The following ZNF516 variants were observed in gnomAD, a reference collection of about 807,000 sequenced individuals.
The protein encoded by ZNF516 is zinc finger protein 516.
A neutral mutation model predicts 79.7 loss-of-function variants in ZNF516; 19 were observed. That is an observed-to-expected ratio of 0.24 (90% confidence interval 0.17 to 0.35). The LOEUF (loss-of-function observed/expected upper bound fraction) is 0.35. Among genes scored for constraint, ZNF516 ranks in the 10% least tolerant of loss-of-function variants. The probability of loss-of-function intolerance (pLI) is 1.00; values close to 1 mark genes in which losing one functional copy is unlikely to be tolerated. For synonymous variants in ZNF516, 877 were observed against 739.5 expected, an observed-to-expected ratio of 1.19 and a Z score of -3.02; for missense variants, 1,678 against 1,679.5, an observed-to-expected ratio of 1.00 and a Z score of 0.02.
In ZNF516 at chr18:76,379,042, C is replaced by T. The variant is rs368143532; in HGVS notation, c.3072G>A (p.Ala1024=). The change falls in exon 4 of 7, where the codon GCG becomes GCA. Residue 1024 remains alanine (A), a synonymous_variant. Transcript: ENST00000443185. Reference sequence around the variant, plus strand: ...CCACGCCGGGCTGGGCCTGCAAGGCCGCGTCGCCCCTGGACCCCGCAGCAC... The same window carrying T: ...CCACGCCGGGCTGGGCCTGCAAGGCTGCGTCGCCCCTGGACCCCGCAGCAC... ...ATCAAGSRGD[A]ALQAQPGVAG... is the part of the protein sequence containing the mutation. 48 of 1,610,594 alleles carry T rather than the reference C, an allele frequency of 3.0e-5. No homozygotes were observed. Among genetic ancestry groups the T allele is most frequent in the African/African-American group, 2.8e-4 (21 of 74,876 alleles).
chr18:76,384,697 C>G (rs2074956026), intron 3 of ZNF516, among the ~76,000 whole-genome samples: 1 of 151,320 alleles, frequency 6.6e-6, no homozygotes, highest in Non-Finnish European at 1.5e-5. Flanking sequence ...AGAGAAGTGT[C>G]CGGGGAGGGG....
rs375472546 is a variant in ZNF516, at chr18:76,379,424, T to C, written c.2690A>G (p.His897Arg). Residue 897 changes from histidine (H) to arginine (R), a missense_variant, in exon 4 of 7, where the codon CAT becomes CGT. This residue lies in a region of ZNF516 where 1,294 missense variants were observed against 1,248.3 expected (regional missense o/e 1.04). Transcript: ENST00000443185. ...QTKPCHGQEP[H>R]GAATQGPLAK... ...CAGGGGCCCCTGTGTGGCCGCGCCA[T>C]GTGGCTCCTGGCCGTGACAAGGTTT... 8 of 1,611,276 alleles carry C rather than the reference T, an allele frequency of 5.0e-6. No homozygotes were observed. Among genetic ancestry groups the C allele is most frequent in the South Asian group, 2.2e-5 (2 of 91,010 alleles).
At chr18:76,376,252 T>A (rs958508606) in intron 4 of ZNF516, among the ~76,000 whole-genome samples, 1 of 152,134 alleles carries the variant, frequency 6.6e-6, no homozygotes, top group Non-Finnish European at 1.5e-5. Flanking sequence ...ACTTCTCAGG[T>A]GCACTGACCA....
At position 76,442,449 on chromosome 18, in the gene ZNF516, G is replaced by A. The variant is rs376779589; in HGVS notation, c.606C>T (p.Cys202=). ...GCAGCGTCGCGTAGCTGCACAGCCT[G>A]CACTTGAACGGCTTGTGCGCCTGGT... is the stretch of plus-strand genomic sequence containing the variant. The part of the protein sequence containing the change: ...HVHQAHKPFK[C]RLCSYATLRE... Residue 202 remains cysteine (C), a synonymous_variant, in exon 3 of 7, where the codon TGC becomes TGT. Coordinates refer to ENST00000443185, the MANE Select transcript of ZNF516 (RefSeq NM_014643.4). 17 of 1,606,346 alleles carry A rather than the reference G, an allele frequency of 1.1e-5. No individual in the cohort carries two copies. In the African/African-American group the frequency reaches 1.2e-4, roughly 11 times the overall value.
intron 3 of ZNF516, 106 bp downstream of exon 3, chr18:76,441,139 G>A (rs548987262): frequency 7.0e-7 from 1 of 1,430,812 alleles, no homozygotes; most frequent in Non-Finnish European, 9.3e-7. Context: ...GGGCCACCGG[G>A]TAAGGGGCTA....
At chr18:76,453,210 C>T (rs115619636) in intron 2 of ZNF516, among the ~76,000 whole-genome samples, 1,661 of 152,314 alleles carry the variant, frequency 0.011, 38 homozygotes, top group African/African-American at 0.038. Context: ...CCACAAAGAG[C>T]TGGCGTTAGG....
At chr18:76,461,537 G>A (rs1913109922) in intron 2 of ZNF516, among the ~76,000 whole-genome samples, 1 of 152,246 alleles carries the variant, frequency 6.6e-6, no homozygotes, top group Admixed American at 6.5e-5. Flanking sequence ...AAATTTGGGG[G>A]TGGAAGGAGT....
intron 3 of ZNF516, among the ~76,000 whole-genome samples, chr18:76,435,499 C>A (rs1249147786): frequency 6.6e-6 from 1 of 152,206 alleles, no homozygotes; most frequent in African/African-American, 2.4e-5. Flanking sequence ...TGAACAATCA[C>A]CGTCGTGTTC....
chr18:76,441,585 G>A lies in ZNF516; in HGVS notation c.1470C>T (p.Ala490=), dbSNP rs532031030. The change falls in exon 3 of 7, where the codon GCC becomes GCT. Residue 490 remains alanine (A), a synonymous_variant. Transcript: ENST00000443185. ...RASGPGDPAP[A]GHLDPRSAAR... ...CGGCCGAGCGGGGATCGAGGTGGCCGGCGGGCGCGGGGTCCCCAGGCCCGC... is the reference window on the plus strand; with the variant it reads ...CGGCCGAGCGGGGATCGAGGTGGCCAGCGGGCGCGGGGTCCCCAGGCCCGC... 3.6e-5 allele frequency: 51 copies of A among 1,435,584 alleles called. No homozygotes were observed. The highest frequency in any genetic ancestry group is 6.1e-5 in the Admixed American group (2 of 32,846). 88.9% of individuals were successfully genotyped at this position (1,435,584 alleles called of 1,614,324 possible).
At position 76,441,526 on chromosome 18, in the gene ZNF516, C is replaced by A; in HGVS notation, c.1529G>T (p.Gly510Val). 6.3e-7 allele frequency: 1 copy of A among 1,578,240 alleles called. No individual in the cohort carries two copies. Among genetic ancestry groups the A allele is most frequent in the South Asian group, 1.2e-5 (1 of 86,894 alleles). ...GAAGCACTCGGAGGACTTGCCCTGG[C>A]CGGTGGTGGCTGCGGCCCTGCGGTT... ...RPNRRAAATT[G>V]QGKSSECFEC... is the part of the protein sequence containing the mutation. Residue 510 changes from glycine to valine, a missense_variant, in exon 3 of 7, where the codon GGC becomes GTC. Around this residue, in one of 5 missense-constraint regions of ZNF516, gnomAD observed 1,294 missense variants for 1,248.3 expected, o/e 1.04. Coordinates refer to ENST00000443185, the MANE Select transcript of ZNF516 (RefSeq NM_014643.4).
chr18:76,412,369 G>A (rs2073055340), intron 3 of ZNF516, among the ~76,000 whole-genome samples: 1 of 152,166 alleles, frequency 6.6e-6, no homozygotes, highest in African/African-American at 2.4e-5. Context: ...CCTGACTCTG[G>A]GTGGGCCACT....
intron 3 of ZNF516, among the ~76,000 whole-genome samples, chr18:76,400,025 C>A (rs1374950933): frequency 6.6e-6 from 1 of 152,148 alleles, no homozygotes; most frequent in Non-Finnish European, 1.5e-5. Flanking sequence ...CACCGCAGAG[C>A]AATCAGCCCT....
chr18:76,416,078 A>T (rs577740749), intron 3 of ZNF516, among the ~76,000 whole-genome samples: 1 of 152,390 alleles, frequency 6.6e-6, no homozygotes, highest in Non-Finnish European at 1.5e-5. Context: ...GTTTTGGAAT[A>T]AAAGGTCAAC....
intron 3 of ZNF516, among the ~76,000 whole-genome samples, chr18:76,397,991 G>T (rs1283641756): frequency 6.6e-6 from 1 of 152,192 alleles, no homozygotes; most frequent in Admixed American, 6.5e-5. Flanking sequence ...TTTTAAATCA[G>T]TGAGTACAGA....
chr18:76,491,447 C>G (rs1187740055), intron 1 of ZNF516, among the ~76,000 whole-genome samples: 1 of 142,492 alleles, frequency 7.0e-6, no homozygotes, highest in Non-Finnish European at 1.6e-5. Context: ...CCGCACAGAC[C>G]CCCGCCTTTG....
rs1175060477 is a variant in ZNF516 at position 76,493,853 on chromosome 18, A to G, written c.-272+1291T>C. ...CCTTTTCAAAAAATGTAAACCAACA[A>G]TGCAGCAGCAAATGGCTTTTTGTGC... On this transcript the variant is annotated intron_variant, in intron 1 of 6. Coordinates refer to ENST00000443185, the MANE Select transcript of ZNF516 (RefSeq NM_014643.4). This position sits in a 1 kb window ranked among gnomAD's most constrained non-coding sequence, Gnocchi z 5.2. 1 of 152,238 alleles carries G rather than the reference A, an allele frequency of 6.6e-6. No homozygotes were observed. The highest frequency in any genetic ancestry group is 2.4e-5 in the African/African-American group (1 of 41,442). 9.4% of individuals were successfully genotyped at this position (152,238 alleles called of 1,614,324 possible).
chr18:76,359,170 C>T lies in ZNF516; in HGVS notation c.*3328G>A, dbSNP rs1190141112. ...AGTAACTGTATGCAACTCCCAATTG[C>T]TACTTCCTGAAGCACCTGCTTTTCA... On this transcript the variant is annotated 3_prime_UTR_variant, in exon 7 of 7. Transcript: ENST00000443185. 6 of 152,236 alleles carry T rather than the reference C, an allele frequency of 3.9e-5. No homozygotes were observed. The highest frequency in any genetic ancestry group is 5.9e-5 in the Non-Finnish European group (4 of 68,038). 9.4% of individuals were successfully genotyped at this position (152,236 alleles called of 1,614,324 possible).
In ZNF516 at chr18:76,441,314, G is replaced by C. The variant is rs764599494; in HGVS notation, c.1741C>G (p.Pro581Ala). The C allele has an allele frequency of 8.1e-6, 13 of 1,611,792 alleles. No homozygotes were observed. The highest frequency in any genetic ancestry group is 2.2e-5 in the East Asian group (1 of 44,846). The change falls in exon 3 of 7, where the codon CCG becomes GCG. Residue 581 changes from proline to alanine, a missense_variant. Transcript: ENST00000443185. ...PGSACAAADSPGSGLADEAAE... is the reference protein window; with the variant it reads ...PGSACAAADSAGSGLADEAAE... ...GCCTCGTCGGCCAGGCCAGAGCCCGGGGAGTCAGCAGCGGCACAGGCGGAG... is the reference window on the plus strand; with the variant it reads ...GCCTCGTCGGCCAGGCCAGAGCCCGCGGAGTCAGCAGCGGCACAGGCGGAG...
At chr18:76,458,796 G>A (rs564425510) in intron 2 of ZNF516, among the ~76,000 whole-genome samples, 12 of 149,404 alleles carry the variant, frequency 8.0e-5, no homozygotes, top group East Asian at 2.0e-4. Context: ...ACCGTCGTGC[G>A]TGTGCGTGCC....
Sources: gnomAD v4.1 joint callset for allele counts (sites outside exome capture counted in the v4.1 genomes callset) on GRCh38, gnomAD v4.1.1 for gene constraint, gnomAD v4.1.1 regional missense constraint, Gnocchi (gnomAD v3.1) non-coding constraint, MANE v1.5 for transcripts, NCBI Gene and HGNC (gene_info 2026-07-23, HGNC 2026-07-21) for gene names.